The following SPRR4 variants were observed in gnomAD, a reference collection of about 807,000 sequenced individuals.
SPRR4 encodes the protein small proline-rich protein 4.
For synonymous variants in SPRR4, 30 were observed against 34.3 expected (o/e 0.87, Z 0.44); for missense variants, 106 against 91.6 (o/e 1.16, Z -0.64).
intron 1 of SPRR4, among the ~76,000 whole-genome samples, chr1:152,971,606 A>T (rs931935958): frequency 2.3e-3 from 353 of 150,808 alleles, no homozygotes; most frequent in Non-Finnish European, 3.6e-3. Context: ...ACACACACAC[A>T]CACACACTCA....
rs1163034192 is a variant in SPRR4 at position 152,971,998 on chromosome 1, GAC to G, written c.110_111del (p.Thr37MetfsTer86). ...CQPPPVKCQE[T>X]CAPKTKDPCA... Reference sequence around the variant, plus strand: ...AGCCACCCCCTGTTAAATGTCAAGAGACATGTGCACCCAAAACCAAGGATCCA... The same window carrying G: ...AGCCACCCCCTGTTAAATGTCAAGAGATGTGCACCCAAAACCAAGGATCCA... On this transcript the variant is annotated frameshift_variant, in exon 2 of 2. Transcript: ENST00000328051. LOFTEE classifies it low-confidence loss of function (END_TRUNC). The G allele has an allele frequency of 1.2e-6, 2 of 1,613,996 alleles. No homozygotes were observed. The highest frequency in any genetic ancestry group is 1.7e-6 in the Non-Finnish European group (2 of 1,179,998).
At chr1:152,969,752 T>G (rs1651777236), upstream of SPRR4, among the ~76,000 whole-genome samples, 1 of 152,256 alleles carries the variant, frequency 6.6e-6, no homozygotes, top group Non-Finnish European at 1.5e-5. Context: ...CCTGCAATAT[T>G]TGGAATATAC....
intron 1 of SPRR4, among the ~76,000 whole-genome samples, chr1:152,971,444 T>C (rs1035706225): frequency 6.6e-6 from 1 of 152,112 alleles, no homozygotes; most frequent in African/African-American, 2.4e-5. Context: ...TTCCCAGTTC[T>C]TTGTAGAGGG....
In SPRR4 at chr1:152,972,527, G is replaced by C. The variant is rs1256818221; in HGVS notation, c.*397G>C. On this transcript the variant is annotated 3_prime_UTR_variant, in exon 2 of 2. Coordinates refer to ENST00000328051, the MANE Select transcript of SPRR4 (RefSeq NM_173080.3). The stretch of plus-strand genomic sequence containing the variant: ...TCCTCTCCATGATGCCCCCTGCTCT[G>C]GGCTTCTCTCCTGTTTTCCCCAATA... 1 of 222,212 alleles carries C rather than the reference G, an allele frequency of 4.5e-6. No individual in the cohort carries two copies. Among genetic ancestry groups the C allele is most frequent in the Non-Finnish European group, 9.8e-6 (1 of 102,258 alleles). The allele number at this position is 222,212 out of a possible 1,614,324, so 13.8% of individuals were successfully genotyped here.
In SPRR4 at chr1:152,972,199, CT is replaced by C; in HGVS notation, c.*70del. The C allele has an allele frequency of 6.3e-7, 1 of 1,591,900 alleles. No homozygotes were observed. Among genetic ancestry groups the C allele is most frequent in the Non-Finnish European group, 8.6e-7 (1 of 1,167,920 alleles). On this transcript the variant is annotated 3_prime_UTR_variant, in exon 2 of 2. Transcript: ENST00000328051. ...ATGGAACCTTCTCTTCTTCCTTCTC[CT>C]CTTCCCTCCAGCTCTTGAGCCTACC...
At position 152,972,263 on chromosome 1, in the gene SPRR4, G is replaced by A. The variant is rs1414214681; in HGVS notation, c.*133G>A. 2.9e-6 allele frequency: 4 copies of A among 1,392,356 alleles called. No homozygotes were observed. Among genetic ancestry groups the A allele is most frequent in the Non-Finnish European group, 3.9e-6 (4 of 1,028,956 alleles). The allele number at this position is 1,392,356 out of a possible 1,614,324, so 86.3% of individuals were successfully genotyped here. A position where few individuals can be genotyped will look rare whatever the true frequency, so the allele number is the denominator to read the frequency against. ...CTCCTCCTGCCCAAGATGTAAGGAAGCATTGTAAGGATTTCTTCCCATCGT... is the reference window on the plus strand; with the variant it reads ...CTCCTCCTGCCCAAGATGTAAGGAAACATTGTAAGGATTTCTTCCCATCGT... On this transcript the variant is annotated 3_prime_UTR_variant, in exon 2 of 2. Transcript: ENST00000328051.
chr1:152,971,172 T>C (rs1317547292), intron 1 of SPRR4, among the ~76,000 whole-genome samples: 2 of 152,118 alleles, frequency 1.3e-5, no homozygotes, highest in Admixed American at 1.3e-4. Context: ...TTCCCATCTA[T>C]AATCATTAAC....
intron 1 of SPRR4, 124 bp from the exon 2 acceptor site, chr1:152,971,747 C>A: frequency 7.7e-7 from 1 of 1,296,088 alleles, no homozygotes; most frequent in Non-Finnish European, 1.1e-6. Context: ...GATCTGTCAG[C>A]TAAGATGGCA....
At chr1:152,971,578 T>TCTCACA (rs946411970) in intron 1 of SPRR4, among the ~76,000 whole-genome samples, 2 of 144,242 alleles carry the variant, frequency 1.4e-5, no homozygotes, top group African/African-American at 5.3e-5. Context: ...GCCCGATCTC[T>TCTCACA]CACACACACA....
In SPRR4 at chr1:152,971,940, G is replaced by A; in HGVS notation, c.50G>A (p.Arg17Lys). ...CAGCAGCAGCAGTGCCCACCCCAGA[G>A]GGCCCAGCAGCAGCAAGTGAAGCAG... ...QRQQQQCPPQ[R>K]AQQQQVKQPC... Residue 17 changes from arginine (R) to lysine (K), a missense_variant, in exon 2 of 2, where the codon AGG becomes AAG. Coordinates refer to ENST00000328051, the MANE Select transcript of SPRR4 (RefSeq NM_173080.3). The A allele has an allele frequency of 6.2e-7, 1 of 1,614,018 alleles. No homozygotes were observed. Among genetic ancestry groups the A allele is most frequent in the Non-Finnish European group, 8.5e-7 (1 of 1,179,984 alleles).
chr1:152,969,839 A>G (rs955869249), upstream of SPRR4, among the ~76,000 whole-genome samples: 1 of 152,232 alleles, frequency 6.6e-6, no homozygotes, highest in Non-Finnish European at 1.5e-5. Context: ...CAAGTCTACC[A>G]CAGGGGCCAA....
rs1186833861 is a variant in SPRR4, at chr1:152,971,991, G to T, written c.101G>T (p.Cys34Phe). The change falls in exon 2 of 2, where the codon TGT becomes TTT. Residue 34 changes from cysteine to phenylalanine, a missense_variant. Coordinates refer to ENST00000328051, the MANE Select transcript of SPRR4 (RefSeq NM_173080.3). ...KQPCQPPPVKCQETCAPKTKD... is the reference protein window; with the variant it reads ...KQPCQPPPVKFQETCAPKTKD... The stretch of plus-strand genomic sequence containing the variant: ...CCTTGTCAGCCACCCCCTGTTAAAT[G>T]TCAAGAGACATGTGCACCCAAAACC... The T allele has an allele frequency of 3.7e-6, 6 of 1,613,926 alleles. No individual in the cohort carries two copies. In the Admixed American group the frequency reaches 8.3e-5, roughly 22 times the overall value.
rs778738702 is a variant in SPRR4 at position 152,972,135 on chromosome 1, G to A, written c.*5G>A. 9.3e-6 allele frequency: 15 copies of A among 1,613,926 alleles called. No individual in the cohort carries two copies. The South Asian group carries it at 1.4e-4, about 15-fold the overall frequency. On this transcript the variant is annotated 3_prime_UTR_variant, in exon 2 of 2. Transcript: ENST00000328051. ...TCCAAGAGCAAACAGAAGTAAGGAT[G>A]GACTGGATATTACCATCATCCACCA...
chr1:152,968,916 T>C (rs925408914), upstream of SPRR4, among the ~76,000 whole-genome samples: 1 of 152,220 alleles, frequency 6.6e-6, no homozygotes, highest in African/African-American at 2.4e-5. Context: ...TCTTGCTGCG[T>C]AGTTTCCTTG....
At chr1:152,968,976 T>TTCATATCAGCAAGAGCACA (rs1276415761), upstream of SPRR4, among the ~76,000 whole-genome samples, 1 of 152,142 alleles carries the variant, frequency 6.6e-6, no homozygotes, top group Admixed American at 6.5e-5. Context: ...TATGTGGAAG[T>TTCATATCAGCAAGAGCACA]GAGGGCTGCA....
chr1:152,969,257 T>C (rs1443664990), upstream of SPRR4, among the ~76,000 whole-genome samples: 1 of 152,150 alleles, frequency 6.6e-6, no homozygotes, highest in African/African-American at 2.4e-5. Flanking sequence ...ACTGCGGTGA[T>C]GGAGTGGAAA....
At chr1:152,970,237 A>T (rs1017687394), upstream of SPRR4, among the ~76,000 whole-genome samples, 1 of 152,220 alleles carries the variant, frequency 6.6e-6, no homozygotes, top group African/African-American at 2.4e-5. Flanking sequence ...CTAGCCTCAC[A>T]GTGAGTGCTC....
rs1570943027 is a variant in SPRR4, at chr1:152,972,334, C to T, written c.*204C>T. ...CCTTGGCTTCTTCTATATCCCACCC[C>T]GATGCTCTCCCAGGTGGGTGTGAGA... On this transcript the variant is annotated 3_prime_UTR_variant, in exon 2 of 2. Coordinates refer to ENST00000328051, the MANE Select transcript of SPRR4 (RefSeq NM_173080.3). 2.1e-5 allele frequency: 17 copies of T among 797,408 alleles called. 1 individual carries two copies. In the South Asian group the frequency reaches 2.6e-4, roughly 12 times the overall value. 49.4% of individuals were successfully genotyped at this position (797,408 alleles called of 1,614,324 possible).
intron 1 of SPRR4, among the ~76,000 whole-genome samples, chr1:152,971,046 T>A (rs80191508): frequency 0.013 from 1,966 of 152,314 alleles, 56 homozygotes; most frequent in African/African-American, 0.045. Flanking sequence ...CCAGTAAGCT[T>A]TAAACTTTTC....
Sources: gnomAD v4.1 joint callset for allele counts (sites outside exome capture counted in the v4.1 genomes callset) on GRCh38, gnomAD v4.1.1 for gene constraint, MANE v1.5 for transcripts, NCBI Gene and HGNC (gene_info 2026-07-23, HGNC 2026-07-21) for gene names.